The following MPP3 variants were observed in gnomAD, a reference collection of about 807,000 sequenced individuals.
The protein encoded by MPP3 is MAGUK p55 subfamily member 3.
MPP3 carries 48 observed loss-of-function variants against 80.7 expected under a neutral mutation model. That is an observed-to-expected ratio of 0.59 (90% confidence interval 0.47 to 0.76). The LOEUF (loss-of-function observed/expected upper bound fraction) is 0.76, where lower values mean the gene tolerates loss of function less well. Ranked by LOEUF, MPP3 falls within the 30% of genes least tolerant of loss-of-function variation. MPP3 has a pLI of 0.00. For missense variants in MPP3, 620 were observed against 763.0 expected (o/e 0.81, Z 2.21); for synonymous variants, 311 against 297.6 (o/e 1.04, Z -0.46).
chr17:43,816,987 C>T (rs2045175573), intron 12 of MPP3, among the ~76,000 whole-genome samples: 1 of 152,216 alleles, frequency 6.6e-6, no homozygotes. Flanking sequence ...GGAAAAGTGG[C>T]CATTGTCAGG....
Position 43,826,829 on chromosome 17 carries a change from TA to T in MPP3, c.523+921del, listed in dbSNP as rs11338362. On this transcript the variant is annotated intron_variant, in intron 8 of 19. Coordinates refer to ENST00000398389, the MANE Select transcript of MPP3 (RefSeq NM_001932.6). ...CTCCATGACTATTTATATATATATATATTTTTTTTTTTTTTCTTTTTTTTTT... is the reference window on the plus strand; with the variant it reads ...CTCCATGACTATTTATATATATATATTTTTTTTTTTTTTTCTTTTTTTTTT... 4.9e-3 allele frequency among the ~76,000 whole-genome samples: 603 copies of T among 122,846 alleles called. 5 individuals carry two copies. Among genetic ancestry groups the T allele is most frequent in the Admixed American group, 0.017 (226 of 13,194 alleles). 80.6% of individuals were successfully genotyped at this position (122,846 alleles called of 152,430 possible). A position where few individuals can be genotyped will look rare whatever the true frequency, so the allele number is the denominator to read the frequency against.
Position 43,818,099 on chromosome 17 carries a change from T to C in MPP3, c.893A>G (p.Tyr298Cys). 6.4e-7 allele frequency: 1 copy of C among 1,563,378 alleles called. No individual in the cohort carries two copies. The highest frequency in any genetic ancestry group is 8.7e-7 in the Non-Finnish European group (1 of 1,153,038). Residue 298 changes from tyrosine (Y) to cysteine (C), a missense_variant, in exon 12 of 20, where the codon TAC (tyrosine) becomes TGC (cysteine). Tyr to Cys is a radical substitution (Grantham distance 194). Coordinates refer to ENST00000398389, the MANE Select transcript of MPP3 (RefSeq NM_001932.6). ...SKGFQERRLS[Y>C]RRAAGTLPSP... ...CGGCAGGGTGCCCGCGGCTCTCCGG[T>C]AGCTTAGTCGTCTGCAGGGACACAA...
At chr17:43,814,678 G>A (rs2045030033) in intron 14 of MPP3, 1 of 243,412 alleles carries the variant, frequency 4.1e-6, no homozygotes, top group East Asian at 8.2e-5. Context: ...CAACTACTAT[G>A]TGTGGTCCTA....
At chr17:43,817,101 T>A (rs993168146) in intron 12 of MPP3, among the ~76,000 whole-genome samples, 1 of 152,218 alleles carries the variant, frequency 6.6e-6, no homozygotes, top group African/African-American at 2.4e-5. Context: ...TGCCTGAGGA[T>A]GGAGCGGGGT....
chr17:43,814,494 GC>G, intron 14 of MPP3, 133 bp from the exon 15 acceptor site: 1 of 796,456 alleles, frequency 1.3e-6, no homozygotes, highest in Non-Finnish European at 1.9e-6. Context: ...ACCTCCTCCT[GC>G]TACTGGAAGA....
At chr17:43,803,182 C>T (rs1326660919) in intron 19 of MPP3, among the ~76,000 whole-genome samples, 3 of 152,120 alleles carry the variant, frequency 2.0e-5, no homozygotes, top group Non-Finnish European at 4.4e-5. Flanking sequence ...CTGACACACA[C>T]CCATCCTATA....
rs528156024 is a variant in MPP3, at chr17:43,833,050, C to G, written c.-97+51G>C. ...AGGGTCTCGGCCCGGCCTCCCGCCC[C>G]TCCCGCCGCGGCGCCCAGCTCCCTC... On this transcript the variant is annotated intron_variant, in intron 1 of 19. Transcript: ENST00000398389. 225 of 151,804 alleles carry G rather than the reference C, an allele frequency of 1.5e-3. 2 individuals carry two copies. Among genetic ancestry groups the G allele is most frequent in the African/African-American group, 5.3e-3 (218 of 41,424 alleles). 9.4% of individuals were successfully genotyped at this position (151,804 alleles called of 1,614,324 possible). A position where few individuals can be genotyped will look rare whatever the true frequency, so the allele number is the denominator to read the frequency against.
intron 11 of MPP3, among the ~76,000 whole-genome samples, chr17:43,818,819 G>A (rs1350800959): frequency 3.3e-5 from 5 of 151,964 alleles, no homozygotes; most frequent in African/African-American, 7.3e-5. Flanking sequence ...CCAGCTACTC[G>A]GGAGGCTGAG....
chr17:43,824,797 G>A (rs933223401), intron 9 of MPP3, among the ~76,000 whole-genome samples: 3 of 152,018 alleles, frequency 2.0e-5, no homozygotes, highest in African/African-American at 7.2e-5. Flanking sequence ...TTTTTGAGAT[G>A]GAGTTTTGCT....
chr17:43,825,659 C>T (rs2045659382), intron 9 of MPP3, 97 bp downstream of exon 9: 3 of 853,462 alleles, frequency 3.5e-6, no homozygotes, highest in Admixed American at 1.9e-5. Flanking sequence ...CTCAGGACAA[C>T]AGCAAGGCTA....
Position 43,801,575 on chromosome 17 carries a change from C to T in MPP3, c.*126G>A. ...AACAAGACTTCCCACTTATACTCTT[C>T]TCGATGATGGAATTTGTGGAGAATT... On this transcript the variant is annotated 3_prime_UTR_variant, in exon 20 of 20. Transcript: ENST00000398389. The T allele has an allele frequency of 1.1e-6, 1 of 932,666 alleles. No homozygotes were observed. The highest frequency in any genetic ancestry group is 1.6e-6 in the Non-Finnish European group (1 of 608,872). 57.8% of individuals were successfully genotyped at this position (932,666 alleles called of 1,614,324 possible).
rs752487627 is a variant in MPP3 at position 43,820,968 on chromosome 17, C to T, written c.775G>A (p.Val259Ile). 5.3e-5 allele frequency: 85 copies of T among 1,613,406 alleles called. No individual in the cohort carries two copies. The highest frequency in any genetic ancestry group is 6.8e-5 in the Non-Finnish European group (80 of 1,179,928). Residue 259 changes from valine (V) to isoleucine (I), a missense_variant, in exon 11 of 20, where the codon GTC becomes ATC. Coordinates refer to ENST00000398389, the MANE Select transcript of MPP3 (RefSeq NM_001932.6). ...TCGTCCTGGCTCACCACCTCCAGGA[C>T]CTGCCTGCGCTGGAAGGGCAGGCCC... ...EAGLPFQRRQ[V>I]LEVVSQDDPT...
At chr17:43,815,403 C>A (rs1314440219) in intron 14 of MPP3, among the ~76,000 whole-genome samples, 1 of 152,030 alleles carries the variant, frequency 6.6e-6, no homozygotes, top group Non-Finnish European at 1.5e-5. Context: ...AGCTTGAAAC[C>A]AGCTGGGCAA....
At position 43,831,664 on chromosome 17, in the gene MPP3, G is replaced by A. The variant is rs745327561; in HGVS notation, c.39C>T (p.Thr13=). 3.7e-5 allele frequency: 59 copies of A among 1,611,110 alleles called. No homozygotes were observed. Among genetic ancestry groups the A allele is most frequent in the Non-Finnish European group, 4.8e-5 (57 of 1,178,144 alleles). The change falls in exon 4 of 20, where the codon ACC becomes ACT. Residue 13 remains threonine (T), a synonymous_variant. Coordinates refer to ENST00000398389, the MANE Select transcript of MPP3 (RefSeq NM_001932.6). ...VLSEDSGLHE[T]LALLTSQLRP... is the part of the protein sequence containing the mutation. Reference sequence around the variant, plus strand: ...TGAGCTGGGAGGTCAGCAGGGCCAGGGTTTCATGCAAACCTGGGGAGAGGT... The same window carrying A: ...TGAGCTGGGAGGTCAGCAGGGCCAGAGTTTCATGCAAACCTGGGGAGAGGT...
At chr17:43,819,050 T>C in intron 11 of MPP3, 1 of 152,124 alleles carries the variant, frequency 6.6e-6, no homozygotes, top group East Asian at 1.9e-4. Flanking sequence ...GAGACAGAGC[T>C]TCGTTCTCAG....
chr17:43,827,118 C>A (rs1329861821), intron 8 of MPP3, among the ~76,000 whole-genome samples: 1 of 152,020 alleles, frequency 6.6e-6, no homozygotes. Flanking sequence ...CAGATTCAAG[C>A]GATTCTCTTG....
chr17:43,815,729 T>G, intron 14 of MPP3: 1 of 595,232 alleles, frequency 1.7e-6, no homozygotes, highest in South Asian at 1.6e-5. Flanking sequence ...GTGGTAGTGG[T>G]GTTAATATTG....
intron 10 of MPP3, among the ~76,000 whole-genome samples, chr17:43,822,678 T>TTAAAAAAAAAAA (rs563055525): frequency 6.8e-5 from 4 of 59,050 alleles, no homozygotes; most frequent in African/African-American, 3.5e-4. Context: ...ACTCCCATCC[T>TTAAAAAAAAAAA]AAAAAAAAAA....
rs549755930 is a variant in MPP3, at chr17:43,815,244, A to G, written c.1009+794T>C. ...CTACTAGGGAGGCTGAGAGGGAAGA[A>G]TCGCTTGAGCCTGGGAGGCTGAGGC... On this transcript the variant is annotated intron_variant, in intron 14 of 19. Coordinates refer to ENST00000398389, the MANE Select transcript of MPP3 (RefSeq NM_001932.6). Among the ~76,000 whole-genome samples, 190 of 152,274 alleles carry G rather than the reference A, an allele frequency of 1.2e-3. 1 individual carries two copies. Among genetic ancestry groups the G allele is most frequent in the Admixed American group, 2.1e-3 (32 of 15,296 alleles).
Sources: allele counts gnomAD v4.1 joint callset (sites outside exome capture counted in the v4.1 genomes callset), GRCh38; gene constraint gnomAD v4.1.1; transcripts MANE v1.5; gene names NCBI Gene and HGNC (gene_info 2026-07-23, HGNC 2026-07-21).